SIRPG: variants seen among roughly 807,000 people sequenced by gnomAD.
SIRPG encodes the protein signal-regulatory protein gamma.
Under a neutral mutation model 35.7 loss-of-function variants are expected in SIRPG, and 38 were observed. The observed-to-expected ratio is 1.06, with a 90% CI of 0.82 to 1.40. SIRPG has a LOEUF of 1.40. Among genes scored for constraint, SIRPG ranks in the 40% most tolerant of loss-of-function variants. SIRPG has a pLI of 0.00. For missense variants in SIRPG, 519 were observed against 483.0 expected, an observed-to-expected ratio of 1.07 and a Z score of -0.70; for synonymous variants, 215 against 190.4, an observed-to-expected ratio of 1.13 and a Z score of -1.06.
chr20:1,648,361 G>A (rs1412137129), intron 2 of SIRPG: 6 of 152,178 alleles, frequency 3.9e-5, no homozygotes, highest in Non-Finnish European at 8.8e-5. Flanking sequence ...AGACTTATTG[G>A]CATCTCCTCC....
chr20:1,675,146 A>T, the SIRPG span, among the ~76,000 whole-genome samples: 1 of 152,152 alleles, frequency 6.6e-6, no homozygotes, highest in African/African-American at 2.4e-5. Flanking sequence ...GGGAGAATGG[A>T]AACTCTTGCT....
chr20:1,644,789 T>A (rs1280851774), intron 2 of SIRPG, among the ~76,000 whole-genome samples: 2 of 152,166 alleles, frequency 1.3e-5, no homozygotes, highest in Non-Finnish European at 2.9e-5. Flanking sequence ...CTCCCTTGGC[T>A]GGGGGGTGGG....
the SIRPG span, among the ~76,000 whole-genome samples, chr20:1,669,258 C>T: frequency 6.6e-6 from 1 of 152,256 alleles, no homozygotes; most frequent in Non-Finnish European, 1.5e-5. Flanking sequence ...ACATCTTCAA[C>T]AACATCCCAA....
chr20:1,670,919 G>A, the SIRPG span: 8 of 328,276 alleles, frequency 2.4e-5, no homozygotes, highest in Middle Eastern at 4.5e-4. Context: ...CCACAAAGAG[G>A]GTCCCCCTGT....
chr20:1,660,662 A>G (rs2091993657), upstream of SIRPG, among the ~76,000 whole-genome samples: 1 of 152,192 alleles, frequency 6.6e-6, no homozygotes, highest in African/African-American at 2.4e-5. Flanking sequence ...AATTTAGGTG[A>G]CTTGGGGAAG....
intron 1 of SIRPG, 78 bp downstream of exon 1, chr20:1,657,564 T>C: frequency 1.4e-6 from 2 of 1,413,502 alleles, no homozygotes; most frequent in Non-Finnish European, 2.0e-6. Flanking sequence ...TGTGCTTATC[T>C]GAAATTGCTG....
At chr20:1,633,033 A>G (rs1176488160) in intron 4 of SIRPG, among the ~76,000 whole-genome samples, 1 of 152,198 alleles carries the variant, frequency 6.6e-6, no homozygotes, top group Non-Finnish European at 1.5e-5. Context: ...CAGAAATGGC[A>G]TATTTTAGAT....
chr20:1,674,284 C>T, the SIRPG span, among the ~76,000 whole-genome samples: 4 of 152,050 alleles, frequency 2.6e-5, no homozygotes, highest in African/African-American at 9.7e-5. Context: ...CCAGACCCCA[C>T]CCCAAACCCC....
At chr20:1,665,942 G>A in the SIRPG span, among the ~76,000 whole-genome samples, 1 of 152,096 alleles carries the variant, frequency 6.6e-6, no homozygotes, top group South Asian at 2.1e-4. Context: ...CCTTCAGGAG[G>A]GATTCCAGAA....
At chr20:1,632,854 C>T (rs376191011) in intron 4 of SIRPG, among the ~76,000 whole-genome samples, 1 of 151,424 alleles carries the variant, frequency 6.6e-6, no homozygotes, top group East Asian at 1.9e-4. Context: ...AAAAGTAGAG[C>T]AAAATAAACT....
the SIRPG span, among the ~76,000 whole-genome samples, chr20:1,683,997 G>C: frequency 6.6e-6 from 1 of 151,922 alleles, no homozygotes; most frequent in Non-Finnish European, 1.5e-5. Context: ...AGAGACTAGA[G>C]TGGTGGTTAC....
chr20:1,645,448 G>T (rs2122518268), intron 2 of SIRPG, among the ~76,000 whole-genome samples: 1 of 152,222 alleles, frequency 6.6e-6, no homozygotes, highest in African/African-American at 2.4e-5. Context: ...TCTAATGGGT[G>T]GCCAAGATTG....
the SIRPG span, among the ~76,000 whole-genome samples, chr20:1,672,804 G>A: frequency 0.042 from 6,414 of 152,174 alleles, 167 homozygotes; most frequent in Middle Eastern, 0.058. Context: ...TTTCCAAAGA[G>A]GGAACGTTTT....
upstream of SIRPG, among the ~76,000 whole-genome samples, chr20:1,661,002 T>C (rs1403652422): frequency 6.6e-6 from 1 of 152,138 alleles, no homozygotes; most frequent in African/African-American, 2.4e-5. Flanking sequence ...CTTCATAAGT[T>C]TGTGATGAGA....
chr20:1,670,904 C>T, the SIRPG span: 1 of 319,816 alleles, frequency 3.1e-6, no homozygotes, highest in Non-Finnish European at 6.3e-6. Context: ...GACAAGTTTT[C>T]AGTCCCACAA....
chr20:1,630,142 A>G, intron 5 of SIRPG, 80 bp downstream of exon 5: 1 of 1,090,602 alleles, frequency 9.2e-7, no homozygotes, highest in Non-Finnish European at 1.4e-6. Flanking sequence ...CTGGTGCTGC[A>G]TGGCATGTGG....
At chr20:1,640,922 C>T (rs1050725535) in intron 2 of SIRPG, among the ~76,000 whole-genome samples, 3 of 152,094 alleles carry the variant, frequency 2.0e-5, no homozygotes, top group Admixed American at 6.6e-5. Context: ...TCTTGATTTG[C>T]GTATGTTGAA....
intron 4 of SIRPG, among the ~76,000 whole-genome samples, chr20:1,634,449 C>A (rs377561817): frequency 2.6e-5 from 4 of 151,554 alleles, no homozygotes; most frequent in African/African-American, 9.7e-5. Flanking sequence ...CCTCGTGATC[C>A]GCCCGCCTCG....
chr20:1,662,952 AAGAG>A, the SIRPG span, among the ~76,000 whole-genome samples: 2 of 152,148 alleles, frequency 1.3e-5, no homozygotes, highest in Non-Finnish European at 2.9e-5. Context: ...TGAAGGAAAG[AAGAG>A]AGTGAGCCAT....
Sources: allele counts gnomAD v4.1 joint callset (sites outside exome capture counted in the v4.1 genomes callset), GRCh38; gene constraint gnomAD v4.1.1; transcripts MANE v1.5; gene names NCBI Gene and HGNC (gene_info 2026-07-23, HGNC 2026-07-21).